MAEL: variants seen among roughly 807,000 people sequenced by gnomAD.
MAEL encodes the protein maelstrom spermatogenic transposon silencer, also known as protein maelstrom homolog.
MAEL carries 46 observed loss-of-function variants against 62.0 expected under a neutral mutation model. The observed-to-expected ratio is 0.74, with a 90% CI of 0.59 to 0.95. MAEL has a LOEUF of 0.95. Ranked by LOEUF, MAEL falls within the 40% of genes least tolerant of loss-of-function variation. The pLI, the probability that MAEL is intolerant of heterozygous loss-of-function variation, is 0.00. For missense variants in MAEL, 497 were observed against 526.8 expected (o/e 0.94, Z 0.55); for synonymous variants, 172 against 175.5 (o/e 0.98, Z 0.16).
At chr1:166,996,882 A>C (rs1046580228) in intron 5 of MAEL, among the ~76,000 whole-genome samples, 11 of 152,102 alleles carry the variant, frequency 7.2e-5, no homozygotes, top group African/African-American at 2.4e-4. Context: ...GCTGGAGTGC[A>C]GTGGCATGAT....
rs1288128231 is a variant in MAEL at position 167,021,173 on chromosome 1, T to C, written c.1117+13T>C. 8 of 1,594,424 alleles carry C rather than the reference T, an allele frequency of 5.0e-6. 1 individual carries two copies. Among genetic ancestry groups the C allele is most frequent in the South Asian group, 3.3e-5 (3 of 90,290 alleles). On this transcript the variant is annotated intron_variant, in intron 11 of 11. Transcript: ENST00000367872. ...AACACACCCATTGGTAAGCAACTTA[T>C]ATTTTACAAAAATGCACCTAAAGGA... is the stretch of plus-strand genomic sequence containing the variant.
rs115626251 is a variant in MAEL at position 167,003,466 on chromosome 1, T to C, written c.524-714T>C. Among the ~76,000 whole-genome samples, 569 of 152,314 alleles carry C rather than the reference T, an allele frequency of 3.7e-3. 6 individuals carry two copies. The highest frequency in any genetic ancestry group is 0.013 in the African/African-American group (521 of 41,560). ...TGATTTCAGAGTCATTTGAGACTTA[T>C]GATAATGTTAACTTCCTCTGGAAAG... is the stretch of plus-strand genomic sequence containing the variant. On this transcript the variant is annotated intron_variant, in intron 5 of 11. Transcript: ENST00000367872.
At chr1:166,979,244 CAG>C (rs991775787) in intron 1 of MAEL, among the ~76,000 whole-genome samples, 1 of 152,160 alleles carries the variant, frequency 6.6e-6, no homozygotes, top group Non-Finnish European at 1.5e-5. Flanking sequence ...GACTCTGAAA[CAG>C]ATACCATTTT....
chr1:166,981,845 T>C (rs2102058112), intron 1 of MAEL, among the ~76,000 whole-genome samples: 1 of 152,310 alleles, frequency 6.6e-6, no homozygotes, highest in East Asian at 1.9e-4. Flanking sequence ...ATAGCAGATT[T>C]GGATGTAATT....
intron 5 of MAEL, among the ~76,000 whole-genome samples, chr1:166,995,415 T>G (rs956000100): frequency 2.6e-5 from 4 of 152,062 alleles, no homozygotes; most frequent in Non-Finnish European, 5.9e-5. Context: ...ACTTTTGTAT[T>G]TTTTGTAGAG....
At chr1:167,012,368 G>A (rs1267192276) in intron 8 of MAEL, 1 of 152,104 alleles carries the variant, frequency 6.6e-6, no homozygotes, top group African/African-American at 2.4e-5. Context: ...AATTTTTATA[G>A]GTCCCCTAGT....
At position 167,001,757 on chromosome 1, in the gene MAEL, A is replaced by G. The variant is rs114939481; in HGVS notation, c.524-2423A>G. 2.4e-3 allele frequency among the ~76,000 whole-genome samples: 368 copies of G among 152,194 alleles called. 2 individuals carry two copies. Among genetic ancestry groups the G allele is most frequent in the African/African-American group, 8.4e-3 (350 of 41,522 alleles). On this transcript the variant is annotated intron_variant, in intron 5 of 11. Coordinates refer to ENST00000367872, the MANE Select transcript of MAEL (RefSeq NM_032858.3). ...AATGAATGCTTTTTCTGCATGTCATATGATTTTTATCTTTTGTTCATGTGG... is the reference window on the plus strand; with the variant it reads ...AATGAATGCTTTTTCTGCATGTCATGTGATTTTTATCTTTTGTTCATGTGG...
At chr1:166,979,638 A>G (rs1663699769) in intron 1 of MAEL, among the ~76,000 whole-genome samples, 1 of 151,540 alleles carries the variant, frequency 6.6e-6, no homozygotes, top group Non-Finnish European at 1.5e-5. Context: ...GAAATTTAAA[A>G]AGGTAAAAGC....
upstream of MAEL, among the ~76,000 whole-genome samples, chr1:166,986,945 CGTGT>C (rs58393275): frequency 0.024 from 3,467 of 147,096 alleles, 43 homozygotes; most frequent in African/African-American, 0.03. Flanking sequence ...AGGAAGGGGA[CGTGT>C]GTGTGTGTGT....
At chr1:167,011,847 T>TTCTAATTTTG (rs1665182616) in intron 8 of MAEL, among the ~76,000 whole-genome samples, 2 of 152,202 alleles carry the variant, frequency 1.3e-5, no homozygotes, top group African/African-American at 2.4e-5. Context: ...TTGGTTAAAA[T>TTCTAATTTTG]GTCAAGAAAA....
chr1:167,005,037 A>C, intron 6 of MAEL, 39 bp from the exon 7 acceptor site: 3 of 1,591,190 alleles, frequency 1.9e-6, no homozygotes, highest in African/African-American at 1.3e-5. Context: ...AGATACAAGT[A>C]GTTTTTTTGT....
chr1:167,018,088 C>A, intron 10 of MAEL, 129 bp downstream of exon 10: 1 of 799,116 alleles, frequency 1.3e-6, no homozygotes, highest in Non-Finnish European at 1.9e-6. Flanking sequence ...TTTTGAAGTA[C>A]TTCATGGAAT....
chr1:166,994,258 CCTTTT>C (rs1664313716), intron 5 of MAEL, among the ~76,000 whole-genome samples, 189 bp downstream of exon 5: 1 of 152,008 alleles, frequency 6.6e-6, no homozygotes, highest in Non-Finnish European at 1.5e-5. Flanking sequence ...GTATACTGTC[CCTTTT>C]CTTTTCAGGG....
At chr1:167,009,035 G>A (rs1229752504) in intron 8 of MAEL, among the ~76,000 whole-genome samples, 2 of 150,958 alleles carry the variant, frequency 1.3e-5, no homozygotes, top group African/African-American at 4.9e-5. Context: ...TATAGCATTT[G>A]AGATCCACAC....
At chr1:166,991,842 G>T (rs1382146249) in intron 3 of MAEL, among the ~76,000 whole-genome samples, 1 of 152,138 alleles carries the variant, frequency 6.6e-6, no homozygotes, top group African/African-American at 2.4e-5. Context: ...GTTAATGTAT[G>T]TTTCAAAATT....
chr1:166,984,715 A>G (rs1374856783), upstream of MAEL, among the ~76,000 whole-genome samples: 2 of 152,142 alleles, frequency 1.3e-5, no homozygotes, highest in African/African-American at 4.8e-5. Context: ...CAGCAACACT[A>G]ACTAGTCTTC....
chr1:167,021,553 T>C (rs931172965), intron 11 of MAEL, 115 bp from the exon 12 acceptor site: 65 of 697,724 alleles, frequency 9.3e-5, no homozygotes, highest in Non-Finnish European at 1.3e-4. Flanking sequence ...ATTTTTCTGT[T>C]GAATTATGGC....
rs1665654084 is a variant in MAEL, at chr1:167,021,977, AG to A, written c.*124del. The A allele has an allele frequency of 4.5e-6, 3 of 667,306 alleles. No homozygotes were observed. In the Admixed American group the frequency reaches 1.1e-4, roughly 23 times the overall value. The allele number at this position is 667,306 out of a possible 1,614,324, so 41.3% of individuals were successfully genotyped here. ...TACTATAAAAACTACTTAATTTGTA[AG>A]GAAATTGTTTCATAGATTTAAAAAA... On this transcript the variant is annotated 3_prime_UTR_variant, in exon 12 of 12. Coordinates refer to ENST00000367872, the MANE Select transcript of MAEL (RefSeq NM_032858.3).
At position 167,005,409 on chromosome 1, in the gene MAEL, A is replaced by G; in HGVS notation, c.845+12A>G. 11 of 1,581,882 alleles carry G rather than the reference A, an allele frequency of 7.0e-6. No individual in the cohort carries two copies. The highest frequency in any genetic ancestry group is 9.4e-6 in the Non-Finnish European group (11 of 1,165,014). ...TCTAGCAACACAAGGTATTGCTAGCATTTTTGTTTTAGAGTCATTTTGACT... is the reference window on the plus strand; with the variant it reads ...TCTAGCAACACAAGGTATTGCTAGCGTTTTTGTTTTAGAGTCATTTTGACT... On this transcript the variant is annotated intron_variant, in intron 8 of 11. Coordinates refer to ENST00000367872, the MANE Select transcript of MAEL (RefSeq NM_032858.3).
Sources: allele counts gnomAD v4.1 joint callset (sites outside exome capture counted in the v4.1 genomes callset), GRCh38; gene constraint gnomAD v4.1.1; transcripts MANE v1.5; gene names NCBI Gene and HGNC (gene_info 2026-07-23, HGNC 2026-07-21).